The following LRMDA variants were observed in gnomAD, a reference collection of about 807,000 sequenced individuals.
The protein encoded by LRMDA is leucine-rich melanocyte differentiation-associated protein.
Under a neutral mutation model 29.8 loss-of-function variants are expected in LRMDA, and 18 were observed. That is an observed-to-expected ratio of 0.60 (90% confidence interval 0.42 to 0.90). LRMDA has a LOEUF of 0.90. Ranked by LOEUF, LRMDA falls within the 40% of genes least tolerant of loss-of-function variation. LRMDA has a pLI of 0.00. For synonymous variants in LRMDA, 125 were observed against 109.4 expected, an observed-to-expected ratio of 1.14 and a Z score of -0.89; for missense variants, 273 against 273.9, an observed-to-expected ratio of 1.00 and a Z score of 0.02.
intron 6 of LRMDA, among the ~76,000 whole-genome samples, chr10:76,490,323 T>G (rs1160377525): frequency 6.6e-6 from 1 of 151,900 alleles, no homozygotes; most frequent in Non-Finnish European, 1.5e-5. Context: ...GTCCAGTGTT[T>G]CTTTGTTATT....
intron 2 of LRMDA, among the ~76,000 whole-genome samples, chr10:75,947,045 T>G (rs1846488276): frequency 6.6e-6 from 1 of 152,178 alleles, no homozygotes; most frequent in Non-Finnish European, 1.5e-5. Context: ...ACCCATCCAG[T>G]GCTTTTCTTC....
chr10:75,472,229 C>T (rs182261762), intron 2 of LRMDA, among the ~76,000 whole-genome samples: 13 of 152,264 alleles, frequency 8.5e-5, no homozygotes, highest in African/African-American at 3.1e-4. Flanking sequence ...GAAACTCCAC[C>T]CTTTTCAACT....
In LRMDA at chr10:75,594,085, G is replaced by A. The variant is rs184080347; in HGVS notation, c.131+155591G>A. 2.2e-3 allele frequency among the ~76,000 whole-genome samples: 328 copies of A among 152,296 alleles called. 1 individual carries two copies. Among genetic ancestry groups the A allele is most frequent in the Non-Finnish European group, 3.3e-3 (223 of 68,024 alleles). ...AAATGTAGACAGATCCCTGGGCCAT[G>A]GAAACCTGGCCACTCTTCTCAAAGT... On this transcript the variant is annotated intron_variant, in intron 2 of 6. Transcript: ENST00000611255.
chr10:76,302,174 T>G (rs572328779), intron 5 of LRMDA, among the ~76,000 whole-genome samples: 3 of 152,196 alleles, frequency 2.0e-5, no homozygotes, highest in Non-Finnish European at 4.4e-5. Flanking sequence ...TGCCATTTCA[T>G]GTTCAGTTCA....
At chr10:76,143,189 T>C (rs1850239276) in intron 5 of LRMDA, among the ~76,000 whole-genome samples, 1 of 152,220 alleles carries the variant, frequency 6.6e-6, no homozygotes, top group African/African-American at 2.4e-5. Flanking sequence ...TGATTTATTA[T>C]CCTTTGGGTA....
chr10:75,521,038 A>G (rs766282566), intron 2 of LRMDA, among the ~76,000 whole-genome samples: 5 of 152,204 alleles, frequency 3.3e-5, no homozygotes, highest in Admixed American at 1.3e-4. Context: ...TAAATATTGC[A>G]GAACAGCAAA....
intron 6 of LRMDA, among the ~76,000 whole-genome samples, chr10:76,384,805 T>G (rs563385454): frequency 6.6e-6 from 1 of 152,374 alleles, no homozygotes; most frequent in South Asian, 2.1e-4. Context: ...AACTCAATTC[T>G]ATCTTCTTTG....
At chr10:76,251,226 CTTTTTTTTTTTTTTTTTTTTT>C (rs558637864) in intron 5 of LRMDA, among the ~76,000 whole-genome samples, 6 of 70,264 alleles carry the variant, frequency 8.5e-5, no homozygotes, top group Admixed American at 6.0e-4. Context: ...CCCGTCGCTT[CTTTTTTTTTTTTTTTTTTTTT>C]TTTTTTTTTT....
intron 4 of LRMDA, among the ~76,000 whole-genome samples, chr10:76,048,310 G>A (rs1000304956): frequency 6.6e-6 from 1 of 152,160 alleles, no homozygotes; most frequent in Non-Finnish European, 1.5e-5. Flanking sequence ...AGCCAACCAT[G>A]TAGGCAAGTT....
At chr10:75,659,356 C>T (rs974932242) in intron 2 of LRMDA, among the ~76,000 whole-genome samples, 6 of 152,172 alleles carry the variant, frequency 3.9e-5, no homozygotes, top group South Asian at 2.1e-4. Context: ...CCCTCCCTTT[C>T]CTCTCTTTTT....
chr10:75,968,797 GA>G (rs1846913434), intron 2 of LRMDA, among the ~76,000 whole-genome samples: 1 of 152,100 alleles, frequency 6.6e-6, no homozygotes, highest in South Asian at 2.1e-4. Context: ...CATGGAATAT[GA>G]AAAAAGTGCA....
At chr10:76,404,129 A>G (rs1841878147) in intron 6 of LRMDA, among the ~76,000 whole-genome samples, 1 of 152,212 alleles carries the variant, frequency 6.6e-6, no homozygotes, top group Admixed American at 6.5e-5. Flanking sequence ...GAAAAGAGGA[A>G]GAGAAAATGG....
At chr10:76,485,663 T>C (rs1325670176) in intron 6 of LRMDA, among the ~76,000 whole-genome samples, 2 of 151,926 alleles carry the variant, frequency 1.3e-5, no homozygotes, top group African/African-American at 2.4e-5. Flanking sequence ...CCTTCAATAA[T>C]TATTTTAACA....
At chr10:76,063,413 C>T (rs1305209545) in intron 5 of LRMDA, among the ~76,000 whole-genome samples, 8 of 152,112 alleles carry the variant, frequency 5.3e-5, no homozygotes, top group Admixed American at 4.6e-4. Context: ...ATGTGTACAC[C>T]AGAGTCAGCT....
At chr10:75,438,362 G>T in intron 1 of LRMDA, 32 bp from the exon 2 acceptor site, 4 of 1,504,302 alleles carry the variant, frequency 2.7e-6, no homozygotes, top group African/African-American at 1.4e-5. Context: ...ATTTCCATTT[G>T]CCACATTGTT....
At chr10:76,032,392 C>T (rs913860401) in intron 2 of LRMDA, among the ~76,000 whole-genome samples, 7 of 152,170 alleles carry the variant, frequency 4.6e-5, no homozygotes, top group Admixed American at 1.3e-4. Flanking sequence ...GAGCCACAGG[C>T]GATGATGTTG....
intron 2 of LRMDA, among the ~76,000 whole-genome samples, chr10:75,581,691 A>G (rs367706031): frequency 1.1e-4 from 16 of 139,268 alleles, no homozygotes; most frequent in Admixed American, 7.6e-4. Context: ...AGAACAGAAA[A>G]CCAAACACCA....
chr10:76,523,429 T>A (rs1589224486), intron 6 of LRMDA, among the ~76,000 whole-genome samples: 1 of 152,190 alleles, frequency 6.6e-6, no homozygotes, highest in South Asian at 2.1e-4. Context: ...GCTATTTAGC[T>A]GGGCACCTTC....
chr10:75,946,684 G>C (rs555021076), intron 2 of LRMDA, among the ~76,000 whole-genome samples: 1 of 152,228 alleles, frequency 6.6e-6, no homozygotes, highest in East Asian at 1.9e-4. Context: ...TTCCAGATCT[G>C]GTCCTTTCCC....
Sources: gnomAD v4.1 joint callset for allele counts (sites outside exome capture counted in the v4.1 genomes callset) on GRCh38, gnomAD v4.1.1 for gene constraint, MANE v1.5 for transcripts, NCBI Gene and HGNC (gene_info 2026-07-23, HGNC 2026-07-21) for gene names.